The following ADAMTSL1 variants were observed in gnomAD, a reference collection of about 807,000 sequenced individuals.
The protein encoded by ADAMTSL1 is ADAMTS-like protein 1.
ADAMTSL1 carries 126 observed loss-of-function variants against 201.8 expected under a neutral mutation model. That is an observed-to-expected ratio of 0.62 (90% CI 0.54 to 0.72). The LOEUF is 0.72. Among genes scored for constraint, ADAMTSL1 ranks in the 30% least tolerant of loss-of-function variants. The pLI, the probability that ADAMTSL1 is intolerant of heterozygous loss-of-function variation, is 0.00. For missense variants in ADAMTSL1, 2,679 were observed against 2,277.8 expected (o/e 1.18, Z -3.59); for synonymous variants, 1,121 against 903.4 (o/e 1.24, Z -4.32).
At chr9:18,395,790 T>A (rs1481791301) in intron 2 of ADAMTSL1, among the ~76,000 whole-genome samples, 1 of 152,198 alleles carries the variant, frequency 6.6e-6, no homozygotes, top group African/African-American at 2.4e-5. Context: ...CACATTTTAG[T>A]TTCTTTGGTC....
intron 9 of ADAMTSL1, among the ~76,000 whole-genome samples, chr9:18,664,626 G>T (rs1480115521): frequency 6.6e-6 from 1 of 151,870 alleles, no homozygotes; most frequent in African/African-American, 2.4e-5. Context: ...AGAGTCCCTT[G>T]TAGTAAGAAA....
chr9:18,247,736 C>T (rs184519651), intron 2 of ADAMTSL1, among the ~76,000 whole-genome samples: 1 of 152,198 alleles, frequency 6.6e-6, no homozygotes, highest in East Asian at 1.9e-4. Context: ...TCAAGGAGGC[C>T]TGTGTGGCTA....
In ADAMTSL1 at chr9:17,964,231, T is replaced by C. The variant is rs1417318026; in HGVS notation, c.87+57309T>C. Among the ~76,000 whole-genome samples the C allele has an allele frequency of 5.3e-5, 8 of 152,306 alleles. No homozygotes were observed. In the East Asian group the frequency reaches 1.5e-3, roughly 29 times the overall value. On this transcript the variant is annotated intron_variant, in intron 1 of 29. Coordinates refer to the ADAMTSL1 transcript ENST00000680146. ...CACCATGTGCTCTGTGTGGCGTTAG[T>C]AAAAAGTGACTGCTGCCTTGCTCAT...
chr9:18,150,459 A>G (rs1826858638), intron 1 of ADAMTSL1, among the ~76,000 whole-genome samples: 2 of 152,020 alleles, frequency 1.3e-5, no homozygotes. Context: ...AGCCAGGGAA[A>G]TTTTAGTTGG....
chr9:18,872,603 C>G (rs1034184035), intron 23 of ADAMTSL1, among the ~76,000 whole-genome samples: 1 of 152,176 alleles, frequency 6.6e-6, no homozygotes, highest in Non-Finnish European at 1.5e-5. Flanking sequence ...TTTTGCATTC[C>G]TGAGTTACTT....
At chr9:18,554,968 T>A (rs1428075069) in intron 3 of ADAMTSL1, among the ~76,000 whole-genome samples, 3 of 151,862 alleles carry the variant, frequency 2.0e-5, no homozygotes, top group Non-Finnish European at 4.4e-5. Flanking sequence ...TATCCACCTC[T>A]GTAGTATCAT....
rs577713097 is a variant in ADAMTSL1, at chr9:18,460,116, T to C, written c.208-44713T>C. Reference sequence around the variant, plus strand: ...TTGGCACTCTCATTGCAGAAGTGCATTGTTTTGATGCTCTGACTCAAGTCT... The same window carrying C: ...TTGGCACTCTCATTGCAGAAGTGCACTGTTTTGATGCTCTGACTCAAGTCT... On this transcript the variant is annotated intron_variant, in intron 2 of 29. Transcript: ENST00000680146. Among the ~76,000 whole-genome samples, 7 of 152,308 alleles carry C rather than the reference T, an allele frequency of 4.6e-5. No individual in the cohort carries two copies. In the South Asian group the frequency reaches 1.5e-3, roughly 32 times the overall value.
intron 2 of ADAMTSL1, among the ~76,000 whole-genome samples, chr9:18,197,014 C>T (rs550878731): frequency 2.0e-5 from 3 of 152,138 alleles, no homozygotes; most frequent in Non-Finnish European, 4.4e-5. Flanking sequence ...CTTCAAAGTG[C>T]TTTTAACACA....
At chr9:18,682,494 T>TA (rs1166194051) in intron 12 of ADAMTSL1, among the ~76,000 whole-genome samples, 4 of 152,156 alleles carry the variant, frequency 2.6e-5, no homozygotes, top group Non-Finnish European at 2.9e-5. Flanking sequence ...CAATAATTTA[T>TA]AAAAAAGAAA....
chr9:18,699,320 CTTTTT>C (rs34869167), intron 13 of ADAMTSL1, among the ~76,000 whole-genome samples: 25 of 120,290 alleles, frequency 2.1e-4, no homozygotes, highest in African/African-American at 7.8e-4. Context: ...GGGTTTTTTA[CTTTTT>C]TTTTTTTTTT....
In ADAMTSL1 at chr9:18,777,192, C is replaced by G. The variant is rs202125900; in HGVS notation, c.2963C>G (p.Pro988Arg). ...EEVLAGRKGGPKEALQTHKHQ... is the reference protein window; with the variant it reads ...EEVLAGRKGGRKEALQTHKHQ... ...GTGCTTGCGGGGAGGAAGGGCGGCC[C>G]GAAGGAGGCCCTGCAGACCCACAAA... Residue 988 changes from proline to arginine, a missense_variant, in exon 19 of 29, where the codon CCG becomes CGG. Coordinates refer to ENST00000380548, the MANE Select transcript of ADAMTSL1 (RefSeq NM_001040272.6). The G allele has an allele frequency of 9.4e-5, 152 of 1,612,736 alleles. No homozygotes were observed. The highest frequency in any genetic ancestry group is 1.3e-4 in the Non-Finnish European group (148 of 1,179,810).
intron 19 of ADAMTSL1, among the ~76,000 whole-genome samples, chr9:18,792,607 C>G (rs1258958916): frequency 6.6e-6 from 1 of 152,162 alleles, no homozygotes; most frequent in Non-Finnish European, 1.5e-5. Flanking sequence ...ATTCTCAGTT[C>G]TATTGAAACT....
chr9:18,706,725 CTTG>C lies in ADAMTSL1; in HGVS notation c.1575-19_1575-17del, dbSNP rs753523494. The stretch of plus-strand genomic sequence containing the variant: ...TGCCTGGGGCTTCTCATCCTGTCCT[CTTG>C]TTTGCTTGCCGACTGCAGGTTCATC... On this transcript the variant is annotated intron_variant, in intron 13 of 28. Coordinates refer to ENST00000380548, the MANE Select transcript of ADAMTSL1 (RefSeq NM_001040272.6). 2 of 1,571,182 alleles carry C rather than the reference CTTG, an allele frequency of 1.3e-6. No individual in the cohort carries two copies. The highest frequency in any genetic ancestry group is 3.7e-5 in the Admixed American group (2 of 54,790).
intron 2 of ADAMTSL1, among the ~76,000 whole-genome samples, chr9:18,286,130 C>T (rs571234969): frequency 6.6e-6 from 1 of 152,232 alleles, no homozygotes; most frequent in East Asian, 1.9e-4. Context: ...TGTTGGAGGA[C>T]AGTACTCAAA....
At chr9:18,826,577 A>G in intron 22 of ADAMTSL1, 114 bp downstream of exon 22, 1 of 1,260,994 alleles carries the variant, frequency 7.9e-7, no homozygotes, top group Non-Finnish European at 1.1e-6. Context: ...GGTAAAATTG[A>G]TATCCCTTCA....
At chr9:18,348,893 C>G (rs944564360) in intron 2 of ADAMTSL1, among the ~76,000 whole-genome samples, 10 of 152,118 alleles carry the variant, frequency 6.6e-5, no homozygotes, top group African/African-American at 2.4e-4. Flanking sequence ...CATAAAATAA[C>G]AACTACCATT....
chr9:18,310,638 G>A lies in ADAMTSL1; in HGVS notation c.207+146657G>A, dbSNP rs200909383. Among the ~76,000 whole-genome samples the A allele has an allele frequency of 3.8e-4, 58 of 152,156 alleles. 1 individual carries two copies. The highest frequency in any genetic ancestry group is 1.3e-3 in the African/African-American group (54 of 41,534). The stretch of plus-strand genomic sequence containing the variant: ...GTCACTGGTCATTAGAGAAATGCAA[G>A]TCAAAACCACAATGAGATACCATCT... On this transcript the variant is annotated intron_variant, in intron 2 of 29. Transcript: ENST00000680146.
At chr9:18,503,419 G>GTATATATATATATATA (rs1206500089) in intron 1 of ADAMTSL1, among the ~76,000 whole-genome samples, 2 of 58,240 alleles carry the variant, frequency 3.4e-5, no homozygotes, top group African/African-American at 1.2e-4. Context: ...GTATTCCATT[G>GTATATATATATATATA]TGTATATATA....
chr9:18,482,763 A>C (rs1821793353), intron 1 of ADAMTSL1, among the ~76,000 whole-genome samples: 1 of 152,202 alleles, frequency 6.6e-6, no homozygotes, highest in Non-Finnish European at 1.5e-5. Context: ...GTACTTCATC[A>C]ATACAACTAG....
Sources: allele counts gnomAD v4.1 joint callset (sites outside exome capture counted in the v4.1 genomes callset), GRCh38; gene constraint gnomAD v4.1.1; transcripts MANE v1.5; gene names NCBI Gene and HGNC (gene_info 2026-07-23, HGNC 2026-07-21).